Variants in FGL1 observed in about 807,000 individuals in gnomAD.
FGL1 encodes the protein fibrinogen like 1.
A neutral mutation model predicts 43.7 loss-of-function variants in FGL1; 59 were observed. The observed-to-expected ratio is 1.35, with a 90% CI of 1.10 to 1.68. The LOEUF is 1.68. Among genes scored for constraint, FGL1 ranks in the 40% most tolerant of loss-of-function variants. FGL1 has a pLI of 0.00. For missense variants in FGL1, 596 were observed against 373.0 expected (o/e 1.60, Z -4.92); for synonymous variants, 192 against 126.5 (o/e 1.52, Z -3.48).
chr8:17,893,396 A>G, intron 1 of FGL1, among the ~76,000 whole-genome samples: 2 of 150,720 alleles, frequency 1.3e-5, no homozygotes, highest in Middle Eastern at 3.5e-3. Context: ...ACATAACATT[A>G]TTATACATAA....
At chr8:17,877,442 G>A (rs573083807) in intron 3 of FGL1, among the ~76,000 whole-genome samples, 5 of 152,204 alleles carry the variant, frequency 3.3e-5, no homozygotes, top group African/African-American at 1.2e-4. Context: ...TTTTCCTCTT[G>A]TCTCAGGATG....
intron 1 of FGL1, among the ~76,000 whole-genome samples, chr8:17,888,319 C>G (rs141962376): frequency 1.3e-5 from 2 of 152,152 alleles, no homozygotes; most frequent in African/African-American, 4.8e-5. Flanking sequence ...TTAATATTCG[C>G]TAATTAATAT....
In FGL1 at chr8:17,864,739, T is replaced by G. The variant is rs2053244317; in HGVS notation, c.792A>C (p.Ala264=). 6.6e-7 allele frequency: 1 copy of G among 1,524,888 alleles called. No homozygotes were observed. 94.5% of individuals were successfully genotyped at this position (1,524,888 alleles called of 1,614,324 possible). A position where few individuals can be genotyped will look rare whatever the true frequency, so the allele number is the denominator to read the frequency against. ...SGWWFNRCHS[A]NLNGVYYSGP... is the part of the protein sequence containing the mutation. ...CGCTGTAGTATACACCATTCAGGTT[T>G]GCAGAGTGACACCTAGTGGAAGGGA... is the stretch of plus-strand genomic sequence containing the variant. Residue 264 remains alanine (A), a synonymous_variant, in exon 8 of 8, where the codon GCA becomes GCC. Transcript: ENST00000427924.
At chr8:17,869,382 G>A (rs2053322687) in intron 5 of FGL1, among the ~76,000 whole-genome samples, 1 of 152,152 alleles carries the variant, frequency 6.6e-6, no homozygotes, top group Admixed American at 6.6e-5. Flanking sequence ...CAGTAAGAAT[G>A]TTGATCTTGA....
intron 1 of FGL1, among the ~76,000 whole-genome samples, chr8:17,887,624 C>G (rs563615815): frequency 6.6e-6 from 1 of 152,080 alleles, no homozygotes; most frequent in Non-Finnish European, 1.5e-5. Flanking sequence ...CCGAGGCGGG[C>G]GGATCACTGA....
rs557582199 is a variant in FGL1, at chr8:17,894,299, C to T, written c.-18+1148G>A. Reference sequence around the variant, plus strand: ...TGTTTAATAAGTTAGCATTCACAAACGCTATAGGACTATAATGCTTAGGAC... The same window carrying T: ...TGTTTAATAAGTTAGCATTCACAAATGCTATAGGACTATAATGCTTAGGAC... On this transcript the variant is annotated intron_variant, in intron 1 of 7. Transcript: ENST00000427924. Among the ~76,000 whole-genome samples the T allele has an allele frequency of 1.2e-4, 18 of 147,028 alleles. 3 individuals carry two copies. Among genetic ancestry groups the T allele is most frequent in the African/African-American group, 4.0e-4 (15 of 37,434 alleles).
chr8:17,891,337 C>G (rs1344101901), intron 1 of FGL1: 2 of 152,148 alleles, frequency 1.3e-5, no homozygotes, highest in African/African-American at 2.4e-5. Context: ...CCTTTCTGGA[C>G]TCTTCTAGCA....
At chr8:17,883,923 C>G (rs1020996307) in intron 2 of FGL1, among the ~76,000 whole-genome samples, 1 of 148,768 alleles carries the variant, frequency 6.7e-6, no homozygotes, top group African/African-American at 2.5e-5. Context: ...TCCTCTCTTT[C>G]TCCTTCCCTC....
At chr8:17,872,234 A>C (rs2053374590) in intron 5 of FGL1, among the ~76,000 whole-genome samples, 1 of 151,920 alleles carries the variant, frequency 6.6e-6, no homozygotes, top group African/African-American at 2.4e-5. Context: ...ACTACTATAA[A>C]TATAGAAACA....
chr8:17,865,769 G>C (rs1201688597), intron 7 of FGL1, among the ~76,000 whole-genome samples: 4 of 152,152 alleles, frequency 2.6e-5, no homozygotes. Context: ...AATTAGGATA[G>C]AAGGAGAACA....
intron 1 of FGL1, among the ~76,000 whole-genome samples, chr8:17,889,437 C>T (rs1219715598): frequency 6.6e-6 from 1 of 152,134 alleles, no homozygotes; most frequent in African/African-American, 2.4e-5. Context: ...GTAATCCCAG[C>T]TACTCGGGAG....
chr8:17,872,196 T>C (rs2053373964), intron 5 of FGL1, among the ~76,000 whole-genome samples: 1 of 152,074 alleles, frequency 6.6e-6, no homozygotes, highest in Non-Finnish European at 1.5e-5. Context: ...CATTCTAGTG[T>C]CTCAAAGAAC....
intron 3 of FGL1, among the ~76,000 whole-genome samples, chr8:17,878,748 C>T (rs184388479): frequency 5.7e-4 from 87 of 152,082 alleles, no homozygotes; most frequent in South Asian, 1.9e-3. Flanking sequence ...CAGAAAATAA[C>T]TAATTTAGTA....
In FGL1 at chr8:17,874,062, T is replaced by A; in HGVS notation, c.459A>T (p.Glu153Asp). 6.2e-7 allele frequency: 1 copy of A among 1,612,302 alleles called. No homozygotes were observed. Among genetic ancestry groups the A allele is most frequent in the South Asian group, 1.1e-5 (1 of 90,576 alleles). ...GAAGATTTTTATTGCCCAGCCAATA[T>A]TCACCATGTTTTTGGACAAAATTTC... ...GFGNFVQKHGEYWLGNKNLHF... is the reference protein window; with the variant it reads ...GFGNFVQKHGDYWLGNKNLHF... Residue 153 changes from glutamate to aspartate, a missense_variant, in exon 5 of 8, where the codon GAA (glutamate) becomes GAT (aspartate). Transcript: ENST00000427924.
Position 17,868,959 on chromosome 8 carries a change from C to A in FGL1, c.548G>T (p.Ser183Ile). The A allele has an allele frequency of 6.2e-7, 1 of 1,604,606 alleles. No homozygotes were observed. The highest frequency in any genetic ancestry group is 8.5e-7 in the Non-Finnish European group (1 of 1,176,682). Residue 183 changes from serine to isoleucine, a missense_variant, in exon 6 of 8, where the codon AGC becomes ATC. Ser to Ile is a moderately radical substitution (Grantham distance 142). Coordinates refer to ENST00000427924, the MANE Select transcript of FGL1 (RefSeq NM_004467.4). ...GAAATTCTTATATTGTGCATAACGG[C>A]TATTTTTTTCAAAATCTGCAAGGTC... is the stretch of plus-strand genomic sequence containing the variant. ...KIDLADFEKNSRYAQYKNFKV... is the reference protein window; with the variant it reads ...KIDLADFEKNIRYAQYKNFKV...
rs2053642321 is a variant in FGL1, at chr8:17,887,286, C to A, written c.-17-1715G>T. 1.3e-5 allele frequency among the ~76,000 whole-genome samples: 2 copies of A among 152,146 alleles called. 1 individual carries two copies. Among genetic ancestry groups the A allele is most frequent in the South Asian group, 4.1e-4 (2 of 4,832 alleles). On this transcript the variant is annotated intron_variant, in intron 1 of 7. Transcript: ENST00000427924. ...GATTCTCCATCAAAGGAGGCTTTTC[C>A]TTGACTGATCGCTCTCCAAAGAATC...
At chr8:17,877,059 C>T (rs2053467140) in intron 3 of FGL1, among the ~76,000 whole-genome samples, 2 of 152,054 alleles carry the variant, frequency 1.3e-5, no homozygotes. Context: ...GTTAAGAAGC[C>T]TGCTTTGGGA....
chr8:17,871,257 C>T (rs1026291588), intron 5 of FGL1, among the ~76,000 whole-genome samples: 2 of 152,052 alleles, frequency 1.3e-5, no homozygotes, highest in African/African-American at 4.8e-5. Flanking sequence ...CTTTGGGAGG[C>T]TAAGGCACGC....
At chr8:17,876,116 A>C (rs2053452607) in intron 3 of FGL1, among the ~76,000 whole-genome samples, 1 of 152,206 alleles carries the variant, frequency 6.6e-6, no homozygotes, top group African/African-American at 2.4e-5. Context: ...CATTTGAATA[A>C]AAATACTATA....
Sources: allele counts gnomAD v4.1 joint callset (sites outside exome capture counted in the v4.1 genomes callset), GRCh38; gene constraint gnomAD v4.1.1; transcripts MANE v1.5; gene names NCBI Gene and HGNC (gene_info 2026-07-23, HGNC 2026-07-21).